The following PLCL1 variants were observed in gnomAD, a reference collection of about 807,000 sequenced individuals.
PLCL1 encodes the protein phospholipase C like 1 (inactive).
Under a neutral mutation model 84.4 loss-of-function variants are expected in PLCL1, and 41 were observed. The ratio of observed to expected loss-of-function variants is 0.49; its 90% confidence interval spans 0.38 to 0.63. The LOEUF (loss-of-function observed/expected upper bound fraction) is 0.63. Among genes scored for constraint, PLCL1 ranks in the 30% least tolerant of loss-of-function variants. The pLI, the probability that PLCL1 is intolerant of heterozygous loss-of-function variation, is 0.00. For synonymous variants in PLCL1, 490 were observed against 488.3 expected (o/e 1.00, Z -0.05); for missense variants, 1,206 against 1,367.8 (o/e 0.88, Z 1.87).
intron 1 of PLCL1, among the ~76,000 whole-genome samples, chr2:198,040,798 G>A (rs1691642212): frequency 6.6e-6 from 1 of 152,162 alleles, no homozygotes; most frequent in African/African-American, 2.4e-5. Context: ...ATGGATTGAA[G>A]TGTGCCTTCA....
At chr2:197,953,358 G>A (rs1689424455) in intron 1 of PLCL1, among the ~76,000 whole-genome samples, 1 of 152,026 alleles carries the variant, frequency 6.6e-6, no homozygotes, top group Admixed American at 6.6e-5. Flanking sequence ...GGTGTGGGCA[G>A]TGGGTGCTGT....
chr2:197,810,742 A>G (rs547260152), intron 1 of PLCL1, among the ~76,000 whole-genome samples: 31 of 152,354 alleles, frequency 2.0e-4, no homozygotes, highest in Non-Finnish European at 3.1e-4. Flanking sequence ...CAGTAACTCA[A>G]TGAAGGAATT....
At chr2:197,862,582 C>T (rs1315708738) in intron 1 of PLCL1, among the ~76,000 whole-genome samples, 1 of 152,088 alleles carries the variant, frequency 6.6e-6, no homozygotes, top group Non-Finnish European at 1.5e-5. Context: ...TTTTCTTTCT[C>T]CATGTTTTTT....
chr2:197,805,381 A>G lies in PLCL1; in HGVS notation c.240+42A>G, dbSNP rs1690451539. ...CGCACCGGGAGCGTGGCTGTGGGTGATGGGTGGGTCAGGGACCCGGGCAGG... is the reference window on the plus strand; with the variant it reads ...CGCACCGGGAGCGTGGCTGTGGGTGGTGGGTGGGTCAGGGACCCGGGCAGG... On this transcript the variant is annotated intron_variant, in intron 1 of 5. Transcript: ENST00000428675. This position sits in a 1 kb window ranked among gnomAD's most constrained non-coding sequence, Gnocchi z 4.0. The G allele has an allele frequency of 2.3e-6, 3 of 1,328,902 alleles. No homozygotes were observed. Among genetic ancestry groups the G allele is most frequent in the South Asian group, 4.3e-5 (2 of 46,098 alleles). The allele number at this position is 1,328,902 out of a possible 1,614,324, so 82.3% of individuals were successfully genotyped here. A position where few individuals can be genotyped will look rare whatever the true frequency, so the allele number is the denominator to read the frequency against.
At chr2:197,960,525 C>G (rs555592222) in intron 1 of PLCL1, among the ~76,000 whole-genome samples, 5 of 152,094 alleles carry the variant, frequency 3.3e-5, no homozygotes, top group African/African-American at 1.2e-4. Context: ...GACAAAGGAA[C>G]AAAATGGTGA....
At chr2:197,963,233 T>A (rs989775068) in intron 1 of PLCL1, among the ~76,000 whole-genome samples, 1 of 152,118 alleles carries the variant, frequency 6.6e-6, no homozygotes, top group African/African-American at 2.4e-5. Flanking sequence ...TTTCTTCACA[T>A]CCTTGTCAGC....
chr2:197,890,771 C>T (rs551395424), intron 1 of PLCL1, among the ~76,000 whole-genome samples: 17 of 139,694 alleles, frequency 1.2e-4, no homozygotes, highest in African/African-American at 4.6e-4. Flanking sequence ...TACATATATA[C>T]ACATATATAT....
At chr2:198,074,014 A>G (rs564311130) in intron 1 of PLCL1, among the ~76,000 whole-genome samples, 16 of 152,308 alleles carry the variant, frequency 1.1e-4, no homozygotes, top group African/African-American at 3.6e-4. Flanking sequence ...TCTACAGAAT[A>G]TTTTTTGTAA....
intron 1 of PLCL1, among the ~76,000 whole-genome samples, chr2:197,952,465 ATTTTTTTGTGGAAGCAGCAC>A (rs1689406028): frequency 6.6e-6 from 1 of 152,012 alleles, no homozygotes; most frequent in African/African-American, 2.4e-5. Flanking sequence ...AAGAAGGAAA[ATTTTTTTGTGGAAGCAGCAC>A]CCAGGTGCCA....
chr2:197,933,351 C>T (rs867752043), intron 1 of PLCL1, among the ~76,000 whole-genome samples: 1 of 151,152 alleles, frequency 6.6e-6, no homozygotes, highest in Non-Finnish European at 1.5e-5. Context: ...GCAAACTCCA[C>T]CTCCCGGGTT....
At chr2:198,014,933 C>T (rs1690960845) in intron 1 of PLCL1, among the ~76,000 whole-genome samples, 1 of 152,068 alleles carries the variant, frequency 6.6e-6, no homozygotes, top group Non-Finnish European at 1.5e-5. Context: ...TATTTTTGAG[C>T]CTCATGCAAT....
At chr2:198,137,364 A>G (rs1277953502) in intron 5 of PLCL1, among the ~76,000 whole-genome samples, 1 of 152,182 alleles carries the variant, frequency 6.6e-6, no homozygotes, top group Non-Finnish European at 1.5e-5. Flanking sequence ...TATTTAGCAG[A>G]TCTCAGTGAT....
At chr2:197,980,565 C>A (rs927449238) in intron 1 of PLCL1, among the ~76,000 whole-genome samples, 7 of 152,162 alleles carry the variant, frequency 4.6e-5, no homozygotes, top group African/African-American at 1.7e-4. Context: ...TGAGTTCACT[C>A]AGCCATGTCT....
chr2:197,851,174 C>A (rs1285239326), intron 1 of PLCL1, among the ~76,000 whole-genome samples: 2 of 152,166 alleles, frequency 1.3e-5, no homozygotes, highest in African/African-American at 4.8e-5. Flanking sequence ...CAGTTTAATT[C>A]ACATACCTCC....
intron 1 of PLCL1, among the ~76,000 whole-genome samples, chr2:197,924,494 G>A (rs1688795383): frequency 6.6e-6 from 1 of 152,108 alleles, no homozygotes; most frequent in Non-Finnish European, 1.5e-5. Context: ...TAAAATGTAT[G>A]TAGATGCATT....
intron 1 of PLCL1, among the ~76,000 whole-genome samples, chr2:197,883,290 A>G (rs543219399): frequency 6.6e-6 from 1 of 152,332 alleles, no homozygotes; most frequent in East Asian, 1.9e-4. Flanking sequence ...TGACCATATA[A>G]AAAATAAGAC....
intron 1 of PLCL1, among the ~76,000 whole-genome samples, chr2:197,945,804 C>T (rs1293053650): frequency 6.6e-6 from 1 of 152,106 alleles, no homozygotes; most frequent in Non-Finnish European, 1.5e-5. Context: ...ATTATTGTTT[C>T]TGTTGTTATA....
intron 1 of PLCL1, among the ~76,000 whole-genome samples, chr2:197,908,954 A>G (rs1309265232): frequency 6.6e-6 from 1 of 152,204 alleles, no homozygotes; most frequent in Admixed American, 6.5e-5. Flanking sequence ...ATTGATGATA[A>G]TGGTTATTTA....
intron 1 of PLCL1, among the ~76,000 whole-genome samples, chr2:198,006,476 T>C (rs1690731174): frequency 6.6e-6 from 1 of 152,154 alleles, no homozygotes. Context: ...CAGAGTGGAA[T>C]TTTCCTCTTA....
Sources: allele counts gnomAD v4.1 joint callset (sites outside exome capture counted in the v4.1 genomes callset), GRCh38; gene constraint gnomAD v4.1.1; non-coding constraint Gnocchi (gnomAD v3.1); transcripts MANE v1.5; gene names NCBI Gene and HGNC (gene_info 2026-07-23, HGNC 2026-07-21).